ADCY2: variants seen among roughly 807,000 people sequenced by gnomAD.
The protein encoded by ADCY2 is adenylate cyclase 2.
In ADCY2, 31 loss-of-function variants were observed where a neutral mutation model predicts 125.2. That is an observed-to-expected ratio of 0.25 (90% CI 0.19 to 0.33). The LOEUF is 0.33. Ranked by LOEUF, ADCY2 falls within the 10% of genes least tolerant of loss-of-function variation. The pLI is 1.00. For synonymous variants in ADCY2, 512 were observed against 548.4 expected, an observed-to-expected ratio of 0.93 and a Z score of 0.93; for missense variants, 904 against 1,418.2, an observed-to-expected ratio of 0.64 and a Z score of 5.82.
chr5:7,592,046 AT>A (rs1487701112), intron 3 of ADCY2, among the ~76,000 whole-genome samples: 2 of 152,056 alleles, frequency 1.3e-5, no homozygotes, highest in Non-Finnish European at 2.9e-5. Flanking sequence ...CAAGCTTGCC[AT>A]TTTTCTTTTG....
chr5:7,671,539 T>G (rs978319311), intron 4 of ADCY2, among the ~76,000 whole-genome samples: 1 of 152,226 alleles, frequency 6.6e-6, no homozygotes, highest in Non-Finnish European at 1.5e-5. Flanking sequence ...CCTTGGAAAC[T>G]TCTTATTGTT....
At chr5:7,652,203 A>G (rs1739120528) in intron 4 of ADCY2, among the ~76,000 whole-genome samples, 1 of 152,194 alleles carries the variant, frequency 6.6e-6, no homozygotes, top group Non-Finnish European at 1.5e-5. Context: ...CAACAGAACT[A>G]TGAACAGTAC....
intron 3 of ADCY2, among the ~76,000 whole-genome samples, chr5:7,589,510 G>GAA (rs1554022218): frequency 1.4e-4 from 12 of 88,050 alleles, no homozygotes; most frequent in East Asian, 1.0e-3. Context: ...AAGAAAGAAA[G>GAA]AAAAGAAAAG....
intron 2 of ADCY2, among the ~76,000 whole-genome samples, chr5:7,416,690 T>A (rs1456773787): frequency 2.0e-5 from 3 of 152,160 alleles, no homozygotes; most frequent in Non-Finnish European, 4.4e-5. Flanking sequence ...TGCATCAACA[T>A]TGACCAATTA....
At chr5:7,412,258 G>A (rs897617630) in intron 1 of ADCY2, among the ~76,000 whole-genome samples, 1 of 152,158 alleles carries the variant, frequency 6.6e-6, no homozygotes, top group African/African-American at 2.4e-5. Flanking sequence ...AGCCAGTAAA[G>A]TCAATGATTG....
chr5:7,557,351 A>G (rs11134239), intron 3 of ADCY2, among the ~76,000 whole-genome samples: 45,391 of 151,504 alleles, frequency 0.3, 7,972 homozygotes, highest in Non-Finnish European at 0.4. Context: ...TACCTGAAAT[A>G]GCCTCACAAC....
intron 4 of ADCY2, among the ~76,000 whole-genome samples, chr5:7,686,972 G>A (rs913774175): frequency 6.6e-6 from 1 of 152,180 alleles, no homozygotes; most frequent in African/African-American, 2.4e-5. Context: ...TGGACCCTGA[G>A]CTGTCACCAG....
rs1257973116 is a variant in ADCY2 at position 7,780,830 on chromosome 5, T to C, written c.2385-3535T>C. Among the ~76,000 whole-genome samples the C allele has an allele frequency of 2.6e-5, 4 of 152,238 alleles. No homozygotes were observed. The South Asian group carries it at 6.2e-4, about 24-fold the overall frequency. ...TGTTTGCCTTCAGGTTAGAGGCTGG[T>C]TCACTAAGCAATTCCTCCATCTCCC... On this transcript the variant is annotated intron_variant, in intron 18 of 24. Transcript: ENST00000338316.
chr5:7,469,341 A>G (rs1366094884), intron 2 of ADCY2, among the ~76,000 whole-genome samples: 1 of 151,940 alleles, frequency 6.6e-6, no homozygotes, highest in East Asian at 1.9e-4. Context: ...TATTTATACT[A>G]TATGGTTAAT....
intron 22 of ADCY2, among the ~76,000 whole-genome samples, chr5:7,805,019 A>G (rs927322922): frequency 4.6e-5 from 7 of 152,138 alleles, no homozygotes; most frequent in Admixed American, 1.3e-4. Flanking sequence ...TTTTGATTTA[A>G]AAGAATATAG....
chr5:7,789,045 T>G (rs1023834414), intron 19 of ADCY2, among the ~76,000 whole-genome samples: 2 of 152,212 alleles, frequency 1.3e-5, no homozygotes, highest in Non-Finnish European at 2.9e-5. Flanking sequence ...GAACACAGGT[T>G]TTTACTAACA....
At chr5:7,398,150 G>A (rs1166515338) in intron 1 of ADCY2, among the ~76,000 whole-genome samples, 1 of 152,076 alleles carries the variant, frequency 6.6e-6, no homozygotes, top group Non-Finnish European at 1.5e-5. Flanking sequence ...AACCTGCTCT[G>A]GCTTGTTCTC....
At chr5:7,440,124 C>G (rs948120267) in intron 2 of ADCY2, among the ~76,000 whole-genome samples, 4 of 152,110 alleles carry the variant, frequency 2.6e-5, no homozygotes, top group African/African-American at 9.7e-5. Context: ...TGAAAGATGT[C>G]AAGAAGTCCT....
intron 1 of ADCY2, among the ~76,000 whole-genome samples, chr5:7,405,839 C>T (rs11741244): frequency 0.1 from 15,470 of 152,196 alleles, 986 homozygotes; most frequent in South Asian, 0.18. Flanking sequence ...TACCTGGTCA[C>T]CCAATATATA....
At chr5:7,495,747 T>A (rs17229629) in intron 2 of ADCY2, among the ~76,000 whole-genome samples, 3,600 of 152,292 alleles carry the variant, frequency 0.024, 60 homozygotes, top group Non-Finnish European at 0.034. Flanking sequence ...ATGCTAAATC[T>A]GAACATTTTG....
rs192345618 is a variant in ADCY2 at position 7,433,356 on chromosome 5, G to A, written c.408+18586G>A. Among the ~76,000 whole-genome samples the A allele has an allele frequency of 1.3e-3, 191 of 152,160 alleles. 2 individuals are homozygous for A. The highest frequency in any genetic ancestry group is 6.8e-3 in the Middle Eastern group (2 of 292). On this transcript the variant is annotated intron_variant, in intron 2 of 24. Transcript: ENST00000338316. Reference sequence around the variant, plus strand: ...AAAAGATTGTAAAATCAGTTGCTGAGTTTTAAAAAAATTCAGTCTCTCTTC... The same window carrying A: ...AAAAGATTGTAAAATCAGTTGCTGAATTTTAAAAAAATTCAGTCTCTCTTC...
chr5:7,654,811 T>A (rs1739264232), intron 4 of ADCY2, among the ~76,000 whole-genome samples: 1 of 152,036 alleles, frequency 6.6e-6, no homozygotes, highest in African/African-American at 2.4e-5. Context: ...AGGACTGCTG[T>A]CAATAGTAAG....
chr5:7,428,910 C>A (rs1045311375), intron 2 of ADCY2, among the ~76,000 whole-genome samples: 1 of 152,114 alleles, frequency 6.6e-6, no homozygotes. Flanking sequence ...CCAAACAGAG[C>A]CCAGCTAATT....
chr5:7,673,025 C>T (rs946466928), intron 4 of ADCY2, among the ~76,000 whole-genome samples: 4 of 151,908 alleles, frequency 2.6e-5, no homozygotes, highest in African/African-American at 7.2e-5. Flanking sequence ...GGACATGCCT[C>T]CTTGGAAGGG....
Sources: gnomAD v4.1 joint callset for allele counts (sites outside exome capture counted in the v4.1 genomes callset) on GRCh38, gnomAD v4.1.1 for gene constraint, MANE v1.5 for transcripts, NCBI Gene and HGNC (gene_info 2026-07-23, HGNC 2026-07-21) for gene names.